The following MYH2 variants were observed in gnomAD, a reference collection of about 807,000 sequenced individuals.
MYH2 encodes the protein myosin heavy chain 2.
Under a neutral mutation model 228.1 loss-of-function variants are expected in MYH2, and 139 were observed. That is an observed-to-expected ratio of 0.61 (90% CI 0.53 to 0.70). The LOEUF is 0.70. Ranked by LOEUF, MYH2 falls within the 30% of genes least tolerant of loss-of-function variation. The pLI is 0.00. For synonymous variants in MYH2, 796 were observed against 871.1 expected (o/e 0.91, Z 1.52); for missense variants, 1,809 against 2,357.5 (o/e 0.77, Z 4.82).
At chr17:10,533,706 AT>A in intron 19 of MYH2, 74 bp from the exon 20 acceptor site, 1 of 1,543,178 alleles carries the variant, frequency 6.5e-7, no homozygotes, top group Non-Finnish European at 8.9e-7. Flanking sequence ...TAAATGATTC[AT>A]TTTTTAAAGC....
Position 10,537,907 on chromosome 17 carries a change from T to C in MYH2, c.1417-72A>G. 6.2e-7 allele frequency: 1 copy of C among 1,611,350 alleles called. No individual in the cohort carries two copies. Among genetic ancestry groups the C allele is most frequent in the Non-Finnish European group, 8.5e-7 (1 of 1,178,206 alleles). On this transcript the variant is annotated intron_variant, in intron 14 of 39. Transcript: ENST00000245503. This position sits in a 1 kb window ranked among gnomAD's most constrained non-coding sequence, Gnocchi z 4.0. The stretch of plus-strand genomic sequence containing the variant: ...TTTTTAAAATACAGAACTTTTCCAT[T>C]TTAAAAATATGTGTCCAAGAGCCTT...
chr17:10,535,223 G>A, intron 18 of MYH2, 33 bp from the exon 19 acceptor site: 2 of 1,613,880 alleles, frequency 1.2e-6, no homozygotes, highest in Admixed American at 1.7e-5. Context: ...CTGCAGAGCT[G>A]TTGAAAAGGA....
In MYH2 at chr17:10,525,195, T is replaced by G. The variant is rs1446628164; in HGVS notation, c.4662+29A>C. On this transcript the variant is annotated intron_variant, in intron 33 of 39. Transcript: ENST00000245503. This position sits in a 1 kb window ranked among gnomAD's most constrained non-coding sequence, Gnocchi z 4.2. ...AGATGTACCTAATTATTTTCCAGAT[T>G]TTTTTATAATGCACAATTTTACATG... 1 of 1,614,000 alleles carries G rather than the reference T, an allele frequency of 6.2e-7. No homozygotes were observed. The highest frequency in any genetic ancestry group is 1.3e-5 in the African/African-American group (1 of 75,022).
chr17:10,534,350 C>G (rs1052468002), intron 19 of MYH2, among the ~76,000 whole-genome samples: 5 of 152,222 alleles, frequency 3.3e-5, no homozygotes, highest in African/African-American at 9.6e-5. Flanking sequence ...GGAAGAGTTT[C>G]TAACTCAACC....
Position 10,545,319 on chromosome 17 carries a change from C to T in MYH2, c.505+27G>A, listed in dbSNP as rs775984738. 3 of 1,612,306 alleles carry T rather than the reference C, an allele frequency of 1.9e-6. No individual in the cohort carries two copies. The African/African-American group carries it at 4.0e-5, about 22-fold the overall frequency. On this transcript the variant is annotated intron_variant, in intron 5 of 39. Coordinates refer to ENST00000245503, the MANE Select transcript of MYH2 (RefSeq NM_017534.6). ...TATGGTTCTGCTCTAAAGGTTTACG[C>T]ACTTGCAAAGCATTCGGCTCACTCA...
chr17:10,521,539 G>A, intron 39 of MYH2, 107 bp from the exon 40 acceptor site: 4 of 978,472 alleles, frequency 4.1e-6, no homozygotes, highest in Non-Finnish European at 6.3e-6. Flanking sequence ...AACATCTAGG[G>A]ATTATCATTG....
At chr17:10,531,329 G>A (rs928897821) in intron 22 of MYH2, among the ~76,000 whole-genome samples, 1 of 152,118 alleles carries the variant, frequency 6.6e-6, no homozygotes, top group African/African-American at 2.4e-5. Flanking sequence ...TTGGGATTGT[G>A]TCATATTAAA....
rs1272813838 is a variant in MYH2 at position 10,533,607 on chromosome 17, T to C, written c.2206A>G (p.Ile736Val). The C allele has an allele frequency of 6.2e-7, 1 of 1,614,066 alleles. No individual in the cohort carries two copies. The highest frequency in any genetic ancestry group is 8.5e-7 in the Non-Finnish European group (1 of 1,180,006). ...CTATCAATGAATTGCCCTTCAGGGATTGCACTTGCATTTAATACCTTGTAT... is the reference window on the plus strand; with the variant it reads ...CTATCAATGAATTGCCCTTCAGGGACTGCACTTGCATTTAATACCTTGTAT... The part of the protein sequence containing the change: ...QRYKVLNASA[I>V]PEGQFIDSKK... Residue 736 changes from isoleucine to valine, a missense_variant, in exon 20 of 40, where the codon ATC becomes GTC. Ile to Val is a conservative substitution (Grantham distance 29). Transcript: ENST00000245503.
chr17:10,542,745 C>T, intron 10 of MYH2, 130 bp downstream of exon 10: 2 of 587,544 alleles, frequency 3.4e-6, no homozygotes, highest in Non-Finnish European at 5.8e-6. Flanking sequence ...TTTTACCAAA[C>T]TCACAAAGCT....
Position 10,527,024 on chromosome 17 carries a change from C to A in MYH2, c.3904G>T (p.Ala1302Ser). The change falls in exon 29 of 40, where the codon GCT becomes TCT. Residue 1302 changes from alanine to serine, a missense_variant. Physicochemically the swap from Ala to Ser is moderately conservative, Grantham distance 99. Transcript: ENST00000245503. ...EFSRQLDEKE[A>S]LVSQLSRGKQ... ...CCTCTTGATAACTGAGACACCAGAG[C>A]TTCCTTTTCATCAAGCTGGCGTGAA... is the stretch of plus-strand genomic sequence containing the variant. 6.2e-7 allele frequency: 1 copy of A among 1,614,130 alleles called. No individual in the cohort carries two copies. The highest frequency in any genetic ancestry group is 8.5e-7 in the Non-Finnish European group (1 of 1,180,022).
At chr17:10,545,671 C>A (rs2073620226) in intron 4 of MYH2, among the ~76,000 whole-genome samples, 169 bp from the exon 5 acceptor site, 2 of 152,088 alleles carry the variant, frequency 1.3e-5, no homozygotes, top group Admixed American at 1.3e-4. Flanking sequence ...CTCAAGCAAT[C>A]CTCCCACCTC....
At chr17:10,535,685 C>T (rs1351387916) in intron 17 of MYH2, among the ~76,000 whole-genome samples, 1 of 152,126 alleles carries the variant, frequency 6.6e-6, no homozygotes, top group African/African-American at 2.4e-5. Flanking sequence ...CCTTCCCATG[C>T]GAGATGATCG....
At chr17:10,528,614 A>C (rs2142298330) in intron 27 of MYH2, 76 bp downstream of exon 27, 4 of 1,606,554 alleles carry the variant, frequency 2.5e-6, no homozygotes, top group Admixed American at 1.7e-5. Context: ...CTTAATGTGT[A>C]AAAAGTGCCC....
At chr17:10,530,650 G>A (rs1389627952) in intron 22 of MYH2, among the ~76,000 whole-genome samples, 1 of 152,124 alleles carries the variant, frequency 6.6e-6, no homozygotes, top group African/African-American at 2.4e-5. Flanking sequence ...AAGGGGGACA[G>A]GGCAGGCGGG....
chr17:10,527,738 GGA>G lies in MYH2; in HGVS notation c.3871+8_3871+9del, dbSNP rs746693497. The G allele has an allele frequency of 8.7e-6, 14 of 1,613,826 alleles. 1 individual carries two copies. Among genetic ancestry groups the G allele is most frequent in the Non-Finnish European group, 1.2e-5 (14 of 1,180,016 alleles). On this transcript the variant is annotated splice_region_variant and intron_variant, in intron 28 of 39. Transcript: ENST00000245503. ...CCACCCTGAAGCTGCACAGAAGAGG[GGA>G]GAGTTACCAGATTCAGTCTGCAGGC...
In MYH2 at chr17:10,524,809, C is replaced by T. The variant is rs772914345; in HGVS notation, c.4919G>A (p.Arg1640His). Residue 1640 changes from arginine (R) to histidine (H), a missense_variant, in exon 34 of 40, where the codon CGC (arginine) becomes CAC (histidine). Physicochemically the swap from Arg to His is conservative, Grantham distance 29. Around this residue, in one of 9 missense-constraint regions of MYH2, gnomAD observed 75 missense variants for 131.2 expected, o/e 0.57. Coordinates refer to ENST00000245503, the MANE Select transcript of MYH2 (RefSeq NM_017534.6). This position sits in a 1 kb window ranked among gnomAD's most constrained non-coding sequence, Gnocchi z 4.7. The part of the protein sequence containing the change: ...EMEIQLNHAN[R>H]MAAEALRNYR... ...GTTCCTCAGGGCCTCAGCAGCCATG[C>T]GGTTGGCATGGTTCAGCTGGATTTC... 6.8e-5 allele frequency: 109 copies of T among 1,613,994 alleles called. No individual in the cohort carries two copies. Among genetic ancestry groups the T allele is most frequent in the Middle Eastern group, 3.3e-4 (2 of 6,082 alleles).
chr17:10,535,128 G>A lies in MYH2; in HGVS notation c.2125C>T (p.Arg709Cys), dbSNP rs761461325. 13 of 1,613,966 alleles carry A rather than the reference G, an allele frequency of 8.1e-6. No individual in the cohort carries two copies. Among genetic ancestry groups the A allele is most frequent in the East Asian group, 2.2e-5 (1 of 44,868 alleles). The change falls in exon 19 of 40, where the codon CGC becomes TGC. Residue 709 changes from arginine (R) to cysteine (C), a missense_variant. Physicochemically the swap from Arg to Cys is radical, Grantham distance 180. Coordinates refer to ENST00000245503, the MANE Select transcript of MYH2 (RefSeq NM_017534.6). ...LRCNGVLEGI[R>C]ICRKGFPSRI... is the part of the protein sequence containing the mutation. ...CTTGGAAATCCTTTCCTACAGATGC[G>A]GATGCCTTCCAGCACACCGTTACAC...
chr17:10,539,414 C>T (rs754172313), intron 13 of MYH2, 30 bp downstream of exon 13: 1 of 1,614,016 alleles, frequency 6.2e-7, no homozygotes, highest in Admixed American at 1.7e-5. Context: ...TGCTTTCATC[C>T]CTGGCAGTTA....
chr17:10,530,103 G>C (rs2073407921), intron 22 of MYH2, 29 bp from the exon 23 acceptor site: 1 of 1,614,026 alleles, frequency 6.2e-7, no homozygotes, highest in Admixed American at 1.7e-5. Context: ...TCAAAATTGG[G>C]AAGAAAGAAT....
Sources: allele counts gnomAD v4.1 joint callset (sites outside exome capture counted in the v4.1 genomes callset), GRCh38; gene constraint gnomAD v4.1.1; regional missense constraint gnomAD v4.1.1; non-coding constraint Gnocchi (gnomAD v3.1); transcripts MANE v1.5; gene names NCBI Gene and HGNC (gene_info 2026-07-23, HGNC 2026-07-21).